The following PCDHGB7 variants were observed in gnomAD, a reference collection of about 807,000 sequenced individuals.
PCDHGB7 encodes the protein protocadherin gamma subfamily B, 7.
A neutral mutation model predicts 61.4 loss-of-function variants in PCDHGB7; 37 were observed. That is an observed-to-expected ratio of 0.60 (90% CI 0.46 to 0.79). The LOEUF (loss-of-function observed/expected upper bound fraction) is 0.79, where lower values mean the gene tolerates loss of function less well. PCDHGB7 is among the 30% of genes least tolerant of loss of function. PCDHGB7 has a pLI of 0.00. For synonymous variants in PCDHGB7, 464 were observed against 503.5 expected, an observed-to-expected ratio of 0.92 and a Z score of 1.05; for missense variants, 1,166 against 1,202.5, an observed-to-expected ratio of 0.97 and a Z score of 0.45.
Position 141,491,722 on chromosome 5 carries a change from C to G in PCDHGB7, c.2416-3085C>G, listed in dbSNP as rs1276921909. ...CCAGGTGAGGGGCTCGGCGCCGCCC[C>G]GGGCGACCCCTGGGGGCGGCACTGG... On this transcript the variant is annotated intron_variant, in intron 1 of 3. Transcript: ENST00000398594. This position sits in a 1 kb window ranked among gnomAD's most constrained non-coding sequence, Gnocchi z 6.9. 2 of 1,607,004 alleles carry G rather than the reference C, an allele frequency of 1.2e-6. No homozygotes were observed. The highest frequency in any genetic ancestry group is 1.7e-5 in the Admixed American group (1 of 58,788).
In PCDHGB7 at chr5:141,477,532, C is replaced by T. The variant is rs754570150; in HGVS notation, c.2416-17275C>T. On this transcript the variant is annotated intron_variant, in intron 1 of 3. Transcript: ENST00000398594. This position sits in a 1 kb window ranked among gnomAD's most constrained non-coding sequence, Gnocchi z 4.9. ...TTTACATTGAAGAAAACAACCTCCC[C>T]GGGGCTCCAATACTAAACCTAAGTG... 2.5e-6 allele frequency: 4 copies of T among 1,614,028 alleles called. No individual in the cohort carries two copies. Among genetic ancestry groups the T allele is most frequent in the Admixed American group, 1.7e-5 (1 of 60,000 alleles).
At chr5:141,460,122 G>A (rs530307574) in intron 1 of PCDHGB7, among the ~76,000 whole-genome samples, 2 of 151,928 alleles carry the variant, frequency 1.3e-5, no homozygotes, top group African/African-American at 4.8e-5. Flanking sequence ...TTTTATATAT[G>A]TAATATATAT....
chr5:141,498,625 T>C (rs1327552423), intron 2 of PCDHGB7, among the ~76,000 whole-genome samples: 1 of 152,176 alleles, frequency 6.6e-6, no homozygotes, highest in Non-Finnish European at 1.5e-5. Context: ...TGGGTCACAC[T>C]GCCTAGACAG....
At chr5:141,452,377 A>G (rs2098740152) in intron 1 of PCDHGB7, among the ~76,000 whole-genome samples, 1 of 152,222 alleles carries the variant, frequency 6.6e-6, no homozygotes, top group African/African-American at 2.4e-5. Flanking sequence ...TTAGTAGGGA[A>G]TAGTATTTAG....
At position 141,431,952 on chromosome 5, in the gene PCDHGB7, AC is replaced by A; in HGVS notation, c.2415+11679del. ...CTGCCCTTTAAATTAGAAAAATCTTACGGAAATTACTATAGTTTAGTCACAG... is the reference window on the plus strand; with the variant it reads ...CTGCCCTTTAAATTAGAAAAATCTTAGGAAATTACTATAGTTTAGTCACAG... On this transcript the variant is annotated intron_variant, in intron 1 of 3. Transcript: ENST00000398594. This position sits in a 1 kb window ranked among gnomAD's most constrained non-coding sequence, Gnocchi z 4.8. 1 of 1,614,166 alleles carries A rather than the reference AC, an allele frequency of 6.2e-7. No homozygotes were observed. The highest frequency in any genetic ancestry group is 1.1e-5 in the South Asian group (1 of 91,090).
At chr5:141,461,614 T>G (rs954890718) in intron 1 of PCDHGB7, among the ~76,000 whole-genome samples, 11 of 152,208 alleles carry the variant, frequency 7.2e-5, no homozygotes, top group Non-Finnish European at 1.2e-4. Flanking sequence ...TTCAAAGTAT[T>G]TTCTAATACA....
Position 141,421,230 on chromosome 5 carries a change from G to A in PCDHGB7, c.2415+956G>A, listed in dbSNP as rs530853994. 1.9e-6 allele frequency: 3 copies of A among 1,590,132 alleles called. No individual in the cohort carries two copies. The East Asian group carries it at 6.7e-5, about 36-fold the overall frequency. The stretch of plus-strand genomic sequence containing the variant: ...GGAATATCGGCTTAGAGCCTGCCAT[G>A]GCGAATCGGCTACAGCGCGGGGACC... On this transcript the variant is annotated intron_variant, in intron 1 of 3. Coordinates refer to ENST00000398594, the MANE Select transcript of PCDHGB7 (RefSeq NM_018927.4).
Position 141,418,549 on chromosome 5 carries a change from C to A in PCDHGB7, c.690C>A (p.Ile230=). Residue 230 remains isoleucine, a synonymous_variant, in exon 1 of 4, where the codon ATC becomes ATA. Transcript: ENST00000398594. The part of the protein sequence containing the change: ...PPRSGTAQIR[I]LVIDANDNPP... ...GAAGCGGTACTGCTCAGATAAGAAT[C>A]CTGGTAATAGATGCCAATGACAACC... 6.2e-7 allele frequency: 1 copy of A among 1,614,024 alleles called. No individual in the cohort carries two copies. The highest frequency in any genetic ancestry group is 8.5e-7 in the Non-Finnish European group (1 of 1,179,900).
chr5:141,417,767 T>G lies in PCDHGB7; in HGVS notation c.-93T>G, dbSNP rs1333916865. 1.3e-5 allele frequency: 19 copies of G among 1,442,000 alleles called. No individual in the cohort carries two copies. The South Asian group carries it at 1.8e-4, about 13-fold the overall frequency. 89.3% of individuals were successfully genotyped at this position (1,442,000 alleles called of 1,614,324 possible). ...GATTGCCAGCTCCGAGACCCGGGAC[T>G]CCTCCTGTCCTGGGCCGAATGCTCT... On this transcript the variant is annotated 5_prime_UTR_variant, in exon 1 of 4. Coordinates refer to ENST00000398594, the MANE Select transcript of PCDHGB7 (RefSeq NM_018927.4).
chr5:141,423,119 G>A (rs769320490), intron 1 of PCDHGB7: 1 of 1,613,774 alleles, frequency 6.2e-7, no homozygotes, highest in South Asian at 1.1e-5. Context: ...CGTACAGCGC[G>A]GGCACTGCTG....
chr5:141,427,840 A>G (rs779622800), intron 1 of PCDHGB7: 1 of 1,548,180 alleles, frequency 6.5e-7, no homozygotes, highest in Non-Finnish European at 8.8e-7. Flanking sequence ...CGTGCCTTCG[A>G]CCACGAGCAG....
Position 141,486,914 on chromosome 5 carries a change from C to T in PCDHGB7, c.2416-7893C>T, listed in dbSNP as rs1469857080. On this transcript the variant is annotated intron_variant, in intron 1 of 3. Coordinates refer to ENST00000398594, the MANE Select transcript of PCDHGB7 (RefSeq NM_018927.4). This position sits in a 1 kb window ranked among gnomAD's most constrained non-coding sequence, Gnocchi z 5.0. ...TGGTTCCTTATGTCCCCAAGCACTG[C>T]CTCCATCAGTTGGTGCTGGCCACCT... The T allele has an allele frequency of 6.2e-7, 1 of 1,614,236 alleles. No individual in the cohort carries two copies.
chr5:141,452,525 G>A (rs1227647193), intron 1 of PCDHGB7, among the ~76,000 whole-genome samples: 3 of 152,126 alleles, frequency 2.0e-5, no homozygotes, highest in Admixed American at 6.5e-5. Flanking sequence ...CCTCAAAATC[G>A]TGAGTTCATA....
chr5:141,433,093 G>A (rs1203083573), intron 1 of PCDHGB7: 4 of 1,614,206 alleles, frequency 2.5e-6, no homozygotes, highest in Admixed American at 1.7e-5. Flanking sequence ...ATGCAGACAT[G>A]CTCGTCAGCC....
At chr5:141,450,810 AT>A (rs755484062) in intron 1 of PCDHGB7, among the ~76,000 whole-genome samples, 1 of 136,728 alleles carries the variant, frequency 7.3e-6, no homozygotes, top group Admixed American at 7.3e-5. Context: ...TTATTTATTT[AT>A]TTAATATTAT....
chr5:141,423,438 C>T lies in PCDHGB7; in HGVS notation c.2415+3164C>T, dbSNP rs2096741369. 5 of 1,613,942 alleles carry T rather than the reference C, an allele frequency of 3.1e-6. No homozygotes were observed. In the East Asian group the frequency reaches 8.9e-5, roughly 29 times the overall value. On this transcript the variant is annotated intron_variant, in intron 1 of 3. Transcript: ENST00000398594. Reference sequence around the variant, plus strand: ...CTGAAGGCGGGTTGGCAGGTATGCCCACGTCACATTTTGTAGGCGTGGACG... The same window carrying T: ...CTGAAGGCGGGTTGGCAGGTATGCCTACGTCACATTTTGTAGGCGTGGACG...
At chr5:141,469,992 G>A (rs894673835) in intron 1 of PCDHGB7, among the ~76,000 whole-genome samples, 10 of 152,054 alleles carry the variant, frequency 6.6e-5, no homozygotes, top group South Asian at 2.1e-4. Context: ...TTAGCTGGTC[G>A]TCGTGGCACG....
intron 1 of PCDHGB7, among the ~76,000 whole-genome samples, chr5:141,494,072 C>G (rs2099751672): frequency 6.6e-6 from 1 of 152,160 alleles, no homozygotes; most frequent in Non-Finnish European, 1.5e-5. Flanking sequence ...CTGGATCCCT[C>G]CCCGCTGCAT....
In PCDHGB7 at chr5:141,491,049, G is replaced by A. The variant is rs369146505; in HGVS notation, c.2416-3758G>A. Reference sequence around the variant, plus strand: ...TGGATGCTGATGCAGGCCACAATGCGTGGCTCTCCTACTCACTGTTGCCAC... The same window carrying A: ...TGGATGCTGATGCAGGCCACAATGCATGGCTCTCCTACTCACTGTTGCCAC... On this transcript the variant is annotated intron_variant, in intron 1 of 3. Coordinates refer to ENST00000398594, the MANE Select transcript of PCDHGB7 (RefSeq NM_018927.4). This position sits in a 1 kb window ranked among gnomAD's most constrained non-coding sequence, Gnocchi z 6.9. The A allele has an allele frequency of 3.3e-5, 53 of 1,614,116 alleles. No individual in the cohort carries two copies. The African/African-American group carries it at 5.5e-4, about 17-fold the overall frequency.
Sources: allele counts gnomAD v4.1 joint callset (sites outside exome capture counted in the v4.1 genomes callset), GRCh38; gene constraint gnomAD v4.1.1; non-coding constraint Gnocchi (gnomAD v3.1); transcripts MANE v1.5; gene names NCBI Gene and HGNC (gene_info 2026-07-23, HGNC 2026-07-21).